Variants in SOX5 observed in about 807,000 individuals in gnomAD.
The protein encoded by SOX5 is transcription factor SOX-5.
In SOX5, 9 loss-of-function variants were observed where a neutral mutation model predicts 92.0. The observed-to-expected ratio is 0.10, with a 90% CI of 0.06 to 0.17. The LOEUF is 0.17. Ranked by LOEUF, SOX5 falls within the 10% of genes least tolerant of loss-of-function variation. The probability of loss-of-function intolerance (pLI) is 1.00; values close to 1 mark genes in which losing one functional copy is unlikely to be tolerated. For missense variants in SOX5, 642 were observed against 944.5 expected (o/e 0.68, Z 4.20); for synonymous variants, 344 against 336.3 (o/e 1.02, Z -0.25).
At chr12:23,653,539 TA>T (rs777160199) in intron 7 of SOX5, among the ~76,000 whole-genome samples, 4 of 152,104 alleles carry the variant, frequency 2.6e-5, no homozygotes, top group Non-Finnish European at 5.9e-5. Context: ...TACAACAAAA[TA>T]CCATGAACTG....
At chr12:23,941,459 T>C (rs1943618850) in intron 1 of SOX5, among the ~76,000 whole-genome samples, 1 of 151,562 alleles carries the variant, frequency 6.6e-6, no homozygotes, top group African/African-American at 2.4e-5. Context: ...TAAATATTTA[T>C]ATATCATAAT....
intron 3 of SOX5, among the ~76,000 whole-genome samples, chr12:23,798,687 G>C (rs547000314): frequency 6.7e-6 from 1 of 149,224 alleles, no homozygotes; most frequent in Non-Finnish European, 1.5e-5. Flanking sequence ...AGTCATTCTT[G>C]TCACTCAATG....
At chr12:23,918,871 C>T (rs1302441864) in intron 1 of SOX5, among the ~76,000 whole-genome samples, 1 of 151,020 alleles carries the variant, frequency 6.6e-6, no homozygotes, top group Non-Finnish European at 1.5e-5. Context: ...GAGCCAAGAT[C>T]GTGCCACTGC....
intron 11 of SOX5, among the ~76,000 whole-genome samples, chr12:23,555,071 T>C (rs1944913335): frequency 6.6e-6 from 1 of 152,052 alleles, no homozygotes; most frequent in Non-Finnish European, 1.5e-5. Flanking sequence ...AATTAGAAAA[T>C]TCAGAAATGT....
intron 1 of SOX5, among the ~76,000 whole-genome samples, chr12:24,487,509 G>T (rs1333113078): frequency 6.6e-6 from 1 of 152,146 alleles, no homozygotes; most frequent in African/African-American, 2.4e-5. Flanking sequence ...TCATTGACAG[G>T]CATGAGGAGG....
chr12:24,321,325 AAGT>A (rs1248371793), intron 2 of SOX5, among the ~76,000 whole-genome samples: 28 of 152,354 alleles, frequency 1.8e-4, no homozygotes, highest in African/African-American at 6.5e-4. Flanking sequence ...GAAAAATCTC[AAGT>A]AGGTAATCAC....
At chr12:24,521,386 A>G (rs1392204832) in intron 1 of SOX5, among the ~76,000 whole-genome samples, 1 of 152,234 alleles carries the variant, frequency 6.6e-6, no homozygotes, top group Non-Finnish European at 1.5e-5. Context: ...TTCACTTACA[A>G]TAATGAATAG....
intron 2 of SOX5, among the ~76,000 whole-genome samples, chr12:23,866,052 G>C (rs1176862739): frequency 6.6e-6 from 1 of 152,146 alleles, no homozygotes. Flanking sequence ...CAAAGAAAGT[G>C]GTTTCTTGAG....
At chr12:24,220,385 G>T (rs921523373) in intron 3 of SOX5, among the ~76,000 whole-genome samples, 2 of 149,768 alleles carry the variant, frequency 1.3e-5, no homozygotes, top group South Asian at 4.3e-4. Flanking sequence ...ACATTCACAC[G>T]ATATAAAAAT....
intron 4 of SOX5, 44 bp from the exon 5 acceptor site, chr12:23,741,083 A>C (rs1383604303): frequency 1.2e-5 from 17 of 1,463,824 alleles, no homozygotes; most frequent in Non-Finnish European, 5.5e-6. Flanking sequence ...AAATGAAAAA[A>C]AGTAATTATT....
At chr12:24,160,347 T>C (rs77309638) in intron 4 of SOX5, among the ~76,000 whole-genome samples, 1 of 152,122 alleles carries the variant, frequency 6.6e-6, no homozygotes, top group Non-Finnish European at 1.5e-5. Flanking sequence ...GCTCCAAGCC[T>C]GATGTACTAA....
At chr12:23,738,028 T>C (rs1022170276) in intron 5 of SOX5, among the ~76,000 whole-genome samples, 2 of 152,332 alleles carry the variant, frequency 1.3e-5, no homozygotes, top group Non-Finnish European at 2.9e-5. Context: ...CCCAACTAGA[T>C]TTCAGTACAC....
At chr12:24,171,645 T>C (rs1018147600) in intron 4 of SOX5, among the ~76,000 whole-genome samples, 2 of 152,062 alleles carry the variant, frequency 1.3e-5, no homozygotes, top group Non-Finnish European at 2.9e-5. Context: ...CCTAATGCAA[T>C]GATAACACTG....
intron 3 of SOX5, among the ~76,000 whole-genome samples, chr12:24,258,810 T>G (rs941847897): frequency 6.6e-6 from 1 of 152,254 alleles, no homozygotes; most frequent in African/African-American, 2.4e-5. Context: ...TTATATACAT[T>G]AATTCATTTA....
intron 4 of SOX5, among the ~76,000 whole-genome samples, chr12:24,047,032 C>G (rs1957105211): frequency 8.3e-6 from 1 of 120,864 alleles, no homozygotes; most frequent in South Asian, 3.1e-4. Context: ...CCAACCTATT[C>G]AAAATATTTC....
chr12:24,314,287 A>AT (rs1328650905), intron 2 of SOX5, among the ~76,000 whole-genome samples: 4 of 145,460 alleles, frequency 2.7e-5, no homozygotes, highest in African/African-American at 5.0e-5. Context: ...TGAACTCATC[A>AT]TTTTTTATGG....
At chr12:24,363,346 G>A (rs1452008285) in intron 2 of SOX5, among the ~76,000 whole-genome samples, 4 of 152,074 alleles carry the variant, frequency 2.6e-5, no homozygotes, top group Non-Finnish European at 5.9e-5. Context: ...CTGGAACACA[G>A]CCAGAAGCCA....
At chr12:24,507,496 G>A (rs1490898396) in intron 1 of SOX5, among the ~76,000 whole-genome samples, 2 of 151,890 alleles carry the variant, frequency 1.3e-5, no homozygotes, top group Non-Finnish European at 2.9e-5. Context: ...ATTAATAAAA[G>A]AGGAGAACTG....
intron 1 of SOX5, among the ~76,000 whole-genome samples, chr12:24,490,131 A>T (rs1946904969): frequency 6.6e-6 from 1 of 152,216 alleles, no homozygotes; most frequent in Non-Finnish European, 1.5e-5. Flanking sequence ...AAACAATGAC[A>T]CAGAACAGAT....
Sources: gnomAD v4.1 joint callset for allele counts (sites outside exome capture counted in the v4.1 genomes callset) on GRCh38, gnomAD v4.1.1 for gene constraint, MANE v1.5 for transcripts, NCBI Gene and HGNC (gene_info 2026-07-23, HGNC 2026-07-21) for gene names.